Variants in ANO3 observed in about 807,000 individuals in gnomAD.
The protein encoded by ANO3 is anoctamin 3, also known as anoctamin-3.
Under a neutral mutation model 144.8 loss-of-function variants are expected in ANO3, and 99 were observed. The observed-to-expected ratio is 0.68, with a 90% CI of 0.58 to 0.81. The LOEUF (loss-of-function observed/expected upper bound fraction) is 0.81. ANO3 is among the 30% of genes least tolerant of loss of function. The pLI is 0.00. For missense variants in ANO3, 905 were observed against 1,202.2 expected (o/e 0.75, Z 3.66); for synonymous variants, 414 against 392.6 (o/e 1.05, Z -0.64).
At chr11:26,362,045 T>C (rs1006673567) in intron 1 of ANO3, among the ~76,000 whole-genome samples, 1 of 152,182 alleles carries the variant, frequency 6.6e-6, no homozygotes, top group African/African-American at 2.4e-5. Flanking sequence ...GAGTTTTAAA[T>C]ATGAGGATGG....
chr11:26,474,204 T>C (rs1191074732), intron 4 of ANO3: 4 of 574,566 alleles, frequency 7.0e-6, no homozygotes, highest in South Asian at 7.7e-5. Context: ...GAGAAGCCAA[T>C]TGAGAGAAAT....
At chr11:26,574,710 A>T (rs1290646241) in intron 14 of ANO3, among the ~76,000 whole-genome samples, 1 of 152,134 alleles carries the variant, frequency 6.6e-6, no homozygotes, top group Non-Finnish European at 1.5e-5. Context: ...TATTCTCATA[A>T]ATGCTAATGG....
intron 18 of ANO3, among the ~76,000 whole-genome samples, chr11:26,631,383 T>C (rs539515655): frequency 1.3e-5 from 2 of 152,068 alleles, no homozygotes; most frequent in African/African-American, 4.8e-5. Context: ...AAGGCAATAT[T>C]TATACATTAA....
chr11:26,203,901 G>T (rs543665928), intron 1 of ANO3, among the ~76,000 whole-genome samples: 5 of 152,212 alleles, frequency 3.3e-5, no homozygotes, highest in Non-Finnish European at 5.9e-5. Flanking sequence ...GAGGGAAGGG[G>T]TATAATGTGA....
chr11:26,430,108 A>G (rs567873887), intron 1 of ANO3, among the ~76,000 whole-genome samples: 1 of 152,234 alleles, frequency 6.6e-6, no homozygotes. Context: ...AAAAAATAAA[A>G]AGATTAACCA....
chr11:26,416,213 T>C (rs1329192259), intron 1 of ANO3, among the ~76,000 whole-genome samples: 2 of 152,012 alleles, frequency 1.3e-5, no homozygotes, highest in Non-Finnish European at 2.9e-5. Flanking sequence ...TATTTGAGAG[T>C]TGATATTTCT....
intron 3 of ANO3, among the ~76,000 whole-genome samples, chr11:26,451,085 A>C (rs902638729): frequency 5.2e-4 from 79 of 152,294 alleles, no homozygotes; most frequent in African/African-American, 1.9e-3. Context: ...TGATTAGAAA[A>C]CAGACTTATA....
intron 1 of ANO3, among the ~76,000 whole-genome samples, chr11:26,365,839 C>G (rs1242274479): frequency 1.3e-5 from 2 of 151,774 alleles, no homozygotes; most frequent in African/African-American, 4.8e-5. Context: ...AACTTTGAGG[C>G]CTTTTCCTCA....
intron 7 of ANO3, among the ~76,000 whole-genome samples, chr11:26,529,036 C>A (rs1590465037): frequency 7.3e-6 from 1 of 136,474 alleles, no homozygotes; most frequent in East Asian, 2.1e-4. Flanking sequence ...TTTCACATAC[C>A]AAGTCTTGCA....
At chr11:26,495,955 A>G (rs940750337) in intron 4 of ANO3, among the ~76,000 whole-genome samples, 1 of 152,234 alleles carries the variant, frequency 6.6e-6, no homozygotes, top group East Asian at 1.9e-4. Flanking sequence ...TGATGATGAT[A>G]CTAAGCAGTT....
chr11:26,405,698 C>T (rs1474494054), intron 1 of ANO3, among the ~76,000 whole-genome samples: 1 of 151,910 alleles, frequency 6.6e-6, no homozygotes, highest in Non-Finnish European at 1.5e-5. Flanking sequence ...TTTACTTTCT[C>T]TTACTATCAT....
chr11:26,302,547 C>T (rs942690117), intron 1 of ANO3, among the ~76,000 whole-genome samples: 12 of 151,810 alleles, frequency 7.9e-5, no homozygotes, highest in East Asian at 1.9e-4. Flanking sequence ...AGAATGCCTC[C>T]GATTATTTCA....
rs181880641 is a variant in ANO3 at position 26,581,887 on chromosome 11, A to C, written c.1448-16478A>C. On this transcript the variant is annotated intron_variant, in intron 14 of 26. Coordinates refer to ENST00000256737, the MANE Select transcript of ANO3 (RefSeq NM_031418.4). ...AGAAAATTATCTTCATGCAGGGGAA[A>C]CCAAGACAAAGTTCTTGGTATGTGT... Among the ~76,000 whole-genome samples, 103 of 152,272 alleles carry C rather than the reference A, an allele frequency of 6.8e-4. 1 individual carries two copies. The highest frequency in any genetic ancestry group is 2.4e-3 in the African/African-American group (100 of 41,570).
chr11:26,318,895 C>G (rs1854690741), intron 1 of ANO3, among the ~76,000 whole-genome samples: 1 of 152,140 alleles, frequency 6.6e-6, no homozygotes, highest in Admixed American at 6.6e-5. Context: ...TTGTTTTACC[C>G]ATACATATAC....
intron 1 of ANO3, among the ~76,000 whole-genome samples, chr11:26,334,933 T>C (rs1855154992): frequency 6.6e-6 from 1 of 152,172 alleles, no homozygotes. Flanking sequence ...ACAGACACAC[T>C]CAATATTTAA....
rs535595147 is a variant in ANO3 at position 26,407,826 on chromosome 11, A to C, written c.47-34092A>C. On this transcript the variant is annotated intron_variant, in intron 1 of 26. Transcript: ENST00000256737. The stretch of plus-strand genomic sequence containing the variant: ...TAGCCCCATCTTTGTCCCCTACCCC[A>C]CTCCCCTTTGCCTTCTGCTCTACTT... Among the ~76,000 whole-genome samples, 10 of 150,468 alleles carry C rather than the reference A, an allele frequency of 6.6e-5. No homozygotes were observed. In the East Asian group the frequency reaches 2.0e-3, roughly 30 times the overall value.
rs1348797090 is a variant in ANO3 at position 26,455,808 on chromosome 11, A to G, written c.314-7222A>G. Reference sequence around the variant, plus strand: ...AGAACAAAGCTGGAGGCATCACACTACCTGACTTCAAACTATGCTACAAGG... The same window carrying G: ...AGAACAAAGCTGGAGGCATCACACTGCCTGACTTCAAACTATGCTACAAGG... On this transcript the variant is annotated intron_variant, in intron 3 of 26. Transcript: ENST00000256737. Among the ~76,000 whole-genome samples, 12 of 150,628 alleles carry G rather than the reference A, an allele frequency of 8.0e-5. No individual in the cohort carries two copies. The East Asian group carries it at 1.8e-3, about 23-fold the overall frequency.
intron 1 of ANO3, among the ~76,000 whole-genome samples, chr11:26,388,050 C>A (rs1457961851): frequency 1.3e-5 from 2 of 150,112 alleles, no homozygotes; most frequent in Non-Finnish European, 3.0e-5. Flanking sequence ...ATATTTTTGA[C>A]CCCAAATTGT....
chr11:26,541,171 C>T (rs1849633127), intron 10 of ANO3, among the ~76,000 whole-genome samples: 1 of 152,122 alleles, frequency 6.6e-6, no homozygotes, highest in African/African-American at 2.4e-5. Flanking sequence ...TGGAAACCAT[C>T]ATTCTCAGCA....
Sources: allele counts gnomAD v4.1 joint callset (sites outside exome capture counted in the v4.1 genomes callset), GRCh38; gene constraint gnomAD v4.1.1; transcripts MANE v1.5; gene names NCBI Gene and HGNC (gene_info 2026-07-23, HGNC 2026-07-21).